CLDN10: variants seen among roughly 807,000 people sequenced by gnomAD.
CLDN10 encodes claudin 10.
In CLDN10, 15 loss-of-function variants were observed where a neutral mutation model predicts 22.9. The ratio of observed to expected loss-of-function variants is 0.65; its 90% confidence interval spans 0.44 to 1.01. The LOEUF is 1.01. Among genes scored for constraint, CLDN10 ranks in the 50% least tolerant of loss-of-function variants. CLDN10 has a pLI of 0.00. For missense variants in CLDN10, 247 were observed against 287.8 expected, an observed-to-expected ratio of 0.86 and a Z score of 1.03; for synonymous variants, 114 against 111.4, an observed-to-expected ratio of 1.02 and a Z score of -0.15.
chr13:95,562,229 G>A (rs1391991136), intron 3 of CLDN10, among the ~76,000 whole-genome samples: 2 of 151,942 alleles, frequency 1.3e-5, no homozygotes, highest in Non-Finnish European at 1.5e-5. Flanking sequence ...ACTGCGCCCG[G>A]CCCCGGATAA....
At chr13:95,575,167 A>G (rs1391506121) in intron 3 of CLDN10, among the ~76,000 whole-genome samples, 3 of 152,240 alleles carry the variant, frequency 2.0e-5, no homozygotes, top group Non-Finnish European at 2.9e-5. Flanking sequence ...ATATTAAGGT[A>G]TAGTTTCAGG....
intron 1 of CLDN10, among the ~76,000 whole-genome samples, chr13:95,465,009 T>C (rs1175176129): frequency 1.3e-5 from 2 of 152,062 alleles, no homozygotes; most frequent in Admixed American, 1.3e-4. Flanking sequence ...TAACAGGTTG[T>C]ATTAGTCCAT....
intron 1 of CLDN10, among the ~76,000 whole-genome samples, chr13:95,508,214 A>G (rs1202117464): frequency 1.3e-5 from 2 of 152,218 alleles, no homozygotes; most frequent in Non-Finnish European, 2.9e-5. Flanking sequence ...CTTCTATGCC[A>G]TTCATTGCAT....
intron 1 of CLDN10, among the ~76,000 whole-genome samples, chr13:95,449,879 G>T (rs552135102): frequency 1.3e-5 from 2 of 152,106 alleles, no homozygotes; most frequent in Non-Finnish European, 1.5e-5. Context: ...GAGTAGCTGG[G>T]ACTACAGGCG....
intron 1 of CLDN10, among the ~76,000 whole-genome samples, chr13:95,518,035 T>G (rs1433815214): frequency 1.3e-5 from 2 of 152,126 alleles, no homozygotes; most frequent in Non-Finnish European, 2.9e-5. Context: ...AGCCAGCCTT[T>G]CAGGGTTCAA....
At chr13:95,557,017 G>T (rs899555399) in intron 1 of CLDN10, among the ~76,000 whole-genome samples, 1 of 152,146 alleles carries the variant, frequency 6.6e-6, no homozygotes, top group Non-Finnish European at 1.5e-5. Flanking sequence ...TCTGTTTATT[G>T]TTAACCCATA....
At chr13:95,472,770 T>C (rs1281060218) in intron 1 of CLDN10, among the ~76,000 whole-genome samples, 2 of 151,980 alleles carry the variant, frequency 1.3e-5, no homozygotes, top group Non-Finnish European at 2.9e-5. Context: ...TGTTTTTAAT[T>C]TGAGAGTGTG....
At chr13:95,518,770 T>A (rs896837787) in intron 1 of CLDN10, among the ~76,000 whole-genome samples, 3 of 147,648 alleles carry the variant, frequency 2.0e-5, no homozygotes, top group East Asian at 2.0e-4. Flanking sequence ...AAAAAAAAAA[T>A]AAATAAATAT....
chr13:95,455,681 C>T (rs2139083177), intron 1 of CLDN10, among the ~76,000 whole-genome samples: 1 of 152,234 alleles, frequency 6.6e-6, no homozygotes, highest in East Asian at 1.9e-4. Flanking sequence ...TTGCATTTTA[C>T]CTTTCATTTT....
chr13:95,563,733 A>C (rs756396952), intron 3 of CLDN10, among the ~76,000 whole-genome samples: 1 of 152,224 alleles, frequency 6.6e-6, no homozygotes, highest in Non-Finnish European at 1.5e-5. Context: ...GAAAAGGGGC[A>C]TAAAAATGAC....
Position 95,539,112 on chromosome 13 carries a change from C to G in CLDN10, c.215-21020C>G, listed in dbSNP as rs149240175. 8.3e-3 allele frequency among the ~76,000 whole-genome samples: 1,258 copies of G among 152,304 alleles called. 16 individuals are homozygous for G. The highest frequency in any genetic ancestry group is 0.029 in the African/African-American group (1,196 of 41,560). ...CAGGCTGCCCTTGAACTCCCGACCT[C>G]AGGTGATCCACCCACCTTGGCCTCC... On this transcript the variant is annotated intron_variant, in intron 1 of 4. Transcript: ENST00000376873.
intron 1 of CLDN10, among the ~76,000 whole-genome samples, chr13:95,471,394 CAT>C (rs767546763): frequency 3.3e-4 from 48 of 146,186 alleles, no homozygotes; most frequent in African/African-American, 8.7e-4. Context: ...CATACACACA[CAT>C]GTATATATAC....
At chr13:95,545,765 C>T (rs2043502449) in intron 1 of CLDN10, among the ~76,000 whole-genome samples, 1 of 152,088 alleles carries the variant, frequency 6.6e-6, no homozygotes, top group African/African-American at 2.4e-5. Context: ...GAAGGAGCGT[C>T]CACAGCACAG....
At chr13:95,477,780 C>T (rs2042699597) in intron 1 of CLDN10, among the ~76,000 whole-genome samples, 1 of 152,128 alleles carries the variant, frequency 6.6e-6, no homozygotes, top group African/African-American at 2.4e-5. Context: ...ATCTGCAACA[C>T]CCTCAGGTAA....
chr13:95,499,611 G>C (rs1033454862), intron 1 of CLDN10, among the ~76,000 whole-genome samples: 2 of 152,166 alleles, frequency 1.3e-5, no homozygotes, highest in African/African-American at 4.8e-5. Context: ...AGATAGACAG[G>C]CACCGGGGCA....
chr13:95,526,737 A>G (rs1023902228), intron 1 of CLDN10, among the ~76,000 whole-genome samples: 3 of 152,052 alleles, frequency 2.0e-5, no homozygotes, highest in Non-Finnish European at 4.4e-5. Flanking sequence ...CAGTGAACCA[A>G]TGTTGCGTCA....
upstream of CLDN10, among the ~76,000 whole-genome samples, chr13:95,549,812 C>A (rs111367169): frequency 2.6e-3 from 392 of 152,314 alleles, 2 homozygotes; most frequent in African/African-American, 8.9e-3. Flanking sequence ...GCCAAAGGAA[C>A]TAATAATGCT....
intron 1 of CLDN10, among the ~76,000 whole-genome samples, chr13:95,469,650 ATCTGTGCTGT>A (rs1424130312): frequency 6.6e-6 from 1 of 152,182 alleles, no homozygotes; most frequent in Non-Finnish European, 1.5e-5. Context: ...CTTTCCATTG[ATCTGTGCTGT>A]TCCCTTGCTC....
At chr13:95,485,328 G>A (rs2042794334) in intron 1 of CLDN10, among the ~76,000 whole-genome samples, 1 of 151,990 alleles carries the variant, frequency 6.6e-6, no homozygotes, top group Non-Finnish European at 1.5e-5. Flanking sequence ...TATCCACCAG[G>A]AGCAGAGTGG....
Sources: gnomAD v4.1 joint callset for allele counts (sites outside exome capture counted in the v4.1 genomes callset) on GRCh38, gnomAD v4.1.1 for gene constraint, MANE v1.5 for transcripts, NCBI Gene and HGNC (gene_info 2026-07-23, HGNC 2026-07-21) for gene names.